GRM3: variants seen among roughly 807,000 people sequenced by gnomAD.
GRM3 encodes metabotropic glutamate receptor 3.
GRM3 carries 26 observed loss-of-function variants against 70.5 expected under a neutral mutation model. The observed-to-expected ratio is 0.37, with a 90% CI of 0.27 to 0.51. GRM3 has a LOEUF of 0.51. GRM3 is among the 20% of genes least tolerant of loss of function. The pLI, the probability that GRM3 is intolerant of heterozygous loss-of-function variation, is 0.93. For synonymous variants in GRM3, 443 were observed against 434.9 expected, an observed-to-expected ratio of 1.02 and a Z score of -0.23; for missense variants, 859 against 1,123.8, an observed-to-expected ratio of 0.76 and a Z score of 3.37.
At chr7:86,737,139 A>C (rs1795881423) in intron 1 of GRM3, among the ~76,000 whole-genome samples, 1 of 152,222 alleles carries the variant, frequency 6.6e-6, no homozygotes, top group African/African-American at 2.4e-5. Flanking sequence ...AGAAATAAGC[A>C]AAACCTTGAG....
chr7:86,707,426 G>A lies in GRM3; in HGVS notation c.-140-57580G>A, dbSNP rs377451228. ...TTAAGGAGGGCTTCCGTGACAGAGA[G>A]TGTGGACTGTGGTTAAGAACAAAGA... On this transcript the variant is annotated intron_variant, in intron 1 of 5. Coordinates refer to ENST00000361669, the MANE Select transcript of GRM3 (RefSeq NM_000840.3). Among the ~76,000 whole-genome samples, 6 of 152,180 alleles carry A rather than the reference G, an allele frequency of 3.9e-5. No homozygotes were observed. In the South Asian group the frequency reaches 1.0e-3, roughly 26 times the overall value.
intron 5 of GRM3, among the ~76,000 whole-genome samples, chr7:86,862,409 CA>C (rs1798977484): frequency 6.6e-6 from 1 of 152,064 alleles, no homozygotes; most frequent in South Asian, 2.1e-4. Flanking sequence ...ATAAAGCCCT[CA>C]CATTTGGAAT....
rs1274190715 is a variant in GRM3 at position 86,656,994 on chromosome 7, CAT to C, written c.-141+12124_-141+12125del. 6.6e-5 allele frequency among the ~76,000 whole-genome samples: 10 copies of C among 152,184 alleles called. 1 individual carries two copies. Among genetic ancestry groups the C allele is most frequent in the African/African-American group, 1.4e-4 (6 of 41,532 alleles). On this transcript the variant is annotated intron_variant, in intron 1 of 5. Coordinates refer to ENST00000361669, the MANE Select transcript of GRM3 (RefSeq NM_000840.3). The stretch of plus-strand genomic sequence containing the variant: ...ATTTAACACATATTTAATGAGAAAA[CAT>C]AAATTATCATGTTAATATCTTCCAT...
At chr7:86,752,215 T>A (rs1796246857) in intron 1 of GRM3, among the ~76,000 whole-genome samples, 1 of 152,098 alleles carries the variant, frequency 6.6e-6, no homozygotes, top group African/African-American at 2.4e-5. Flanking sequence ...GACCTTACAA[T>A]ACTGTAGATA....
At chr7:86,693,330 G>T (rs1274392727) in intron 1 of GRM3, among the ~76,000 whole-genome samples, 1 of 152,222 alleles carries the variant, frequency 6.6e-6, no homozygotes, top group African/African-American at 2.4e-5. Context: ...ACATGGGTCA[G>T]TTAGAAGCCC....
chr7:86,839,323 C>A lies in GRM3; in HGVS notation c.1809C>A (p.Asn603Lys), dbSNP rs1798517480. 6.2e-7 allele frequency: 1 copy of A among 1,613,974 alleles called. No individual in the cohort carries two copies. The highest frequency in any genetic ancestry group is 2.2e-5 in the East Asian group (1 of 44,882). The change falls in exon 4 of 6, where the codon AAC becomes AAA. Residue 603 changes from asparagine to lysine, a missense_variant. Coordinates refer to ENST00000361669, the MANE Select transcript of GRM3 (RefSeq NM_000840.3). The surrounding 1 kb of genome is among the most constrained non-coding windows in gnomAD (Gnocchi z 4.5). ...TAACTGTTTTTATCAAGCACAACAA[C>A]ACACCCTTGGTCAAAGCATCGGGCC... ...MVVTVFIKHN[N>K]TPLVKASGRE...
chr7:86,695,343 T>G (rs999519681), intron 1 of GRM3, among the ~76,000 whole-genome samples: 49 of 152,294 alleles, frequency 3.2e-4, no homozygotes, highest in African/African-American at 1.2e-3. Flanking sequence ...AAAATTAAAG[T>G]TATATAATCC....
At chr7:86,712,841 T>C (rs1795229328) in intron 1 of GRM3, among the ~76,000 whole-genome samples, 1 of 152,136 alleles carries the variant, frequency 6.6e-6, no homozygotes, top group Non-Finnish European at 1.5e-5. Context: ...GAATAACATT[T>C]CATTGTGTAT....
At chr7:86,750,864 G>A (rs1272268447) in intron 1 of GRM3, among the ~76,000 whole-genome samples, 1 of 152,034 alleles carries the variant, frequency 6.6e-6, no homozygotes, top group Non-Finnish European at 1.5e-5. Flanking sequence ...TGAGTACAGA[G>A]AAAAGAATGT....
intron 1 of GRM3, among the ~76,000 whole-genome samples, chr7:86,694,263 C>T (rs559765020): frequency 2.0e-5 from 3 of 152,136 alleles, no homozygotes; most frequent in South Asian, 2.1e-4. Flanking sequence ...TGGTGGCTCA[C>T]GCCTGTAATT....
At chr7:86,755,738 C>T (rs1375067492) in intron 1 of GRM3, among the ~76,000 whole-genome samples, 1 of 152,052 alleles carries the variant, frequency 6.6e-6, no homozygotes, top group Non-Finnish European at 1.5e-5. Flanking sequence ...ATGGGGATGG[C>T]TCTTTTAGTA....
At chr7:86,844,207 A>G (rs1798611868) in intron 4 of GRM3, among the ~76,000 whole-genome samples, 1 of 152,180 alleles carries the variant, frequency 6.6e-6, no homozygotes, top group Admixed American at 6.6e-5. Flanking sequence ...TATATATCTC[A>G]AATTCTTTAA....
At chr7:86,799,905 A>G (rs1037975550) in intron 3 of GRM3, among the ~76,000 whole-genome samples, 4 of 152,134 alleles carry the variant, frequency 2.6e-5, no homozygotes, top group African/African-American at 9.7e-5. Context: ...GTCTGTTGAG[A>G]TAATCATGTG....
chr7:86,791,580 G>A (rs1049980844), intron 3 of GRM3, among the ~76,000 whole-genome samples: 1 of 152,160 alleles, frequency 6.6e-6, no homozygotes, highest in African/African-American at 2.4e-5. Context: ...ACAGGGGTGA[G>A]GTGAAATTCA....
At chr7:86,863,604 T>C (rs1798999512) in intron 5 of GRM3, among the ~76,000 whole-genome samples, 1 of 152,168 alleles carries the variant, frequency 6.6e-6, no homozygotes, top group Non-Finnish European at 1.5e-5. Context: ...ACTGAGGTTA[T>C]CCACTTGAAC....
chr7:86,742,375 CTCTA>C (rs1172794767), intron 1 of GRM3, among the ~76,000 whole-genome samples: 2 of 152,142 alleles, frequency 1.3e-5, no homozygotes, highest in Admixed American at 1.3e-4. Flanking sequence ...GGAAAATATA[CTCTA>C]TCTCTTTTTT....
At chr7:86,690,943 A>T (rs1455645438) in intron 1 of GRM3, among the ~76,000 whole-genome samples, 4 of 152,158 alleles carry the variant, frequency 2.6e-5, no homozygotes, top group Admixed American at 1.3e-4. Flanking sequence ...AAAAATAAAC[A>T]TCTTTACCAT....
rs183218593 is a variant in GRM3, at chr7:86,800,048, A to G, written c.1324+12932A>G. ...ACCTACTCCTGACTGACTCCTGGGT[A>G]AATAATGAAATTAAGGCAGAAATCA... On this transcript the variant is annotated intron_variant, in intron 3 of 5. Transcript: ENST00000361669. 3.5e-3 allele frequency among the ~76,000 whole-genome samples: 529 copies of G among 152,350 alleles called. 2 individuals are homozygous for G. The highest frequency in any genetic ancestry group is 0.012 in the African/African-American group (507 of 41,584).
intron 1 of GRM3, among the ~76,000 whole-genome samples, chr7:86,757,506 T>G (rs552342235): frequency 2.4e-4 from 37 of 152,302 alleles, no homozygotes; most frequent in African/African-American, 8.9e-4. Flanking sequence ...TAGTTTGATC[T>G]CTGCACTCCG....
Sources: allele counts gnomAD v4.1 joint callset (sites outside exome capture counted in the v4.1 genomes callset), GRCh38; gene constraint gnomAD v4.1.1; non-coding constraint Gnocchi (gnomAD v3.1); transcripts MANE v1.5; gene names NCBI Gene and HGNC (gene_info 2026-07-23, HGNC 2026-07-21).